ZMYM2: variants seen among roughly 807,000 people sequenced by gnomAD.
ZMYM2 encodes the protein zinc finger MYM-type containing 2, also known as zinc finger MYM-type protein 2.
Under a neutral mutation model 162.8 loss-of-function variants are expected in ZMYM2, and 56 were observed. The ratio of observed to expected loss-of-function variants is 0.34; its 90% CI spans 0.28 to 0.43. The LOEUF is 0.43. Ranked by LOEUF, ZMYM2 falls within the 20% of genes least tolerant of loss-of-function variation. The pLI, the probability that ZMYM2 is intolerant of heterozygous loss-of-function variation, is 1.00. For synonymous variants in ZMYM2, 510 were observed against 541.6 expected (o/e 0.94, Z 0.81); for missense variants, 1,275 against 1,621.8 (o/e 0.79, Z 3.67).
chr13:19,960,486 A>C (rs1284586072), intron 2 of ZMYM2, among the ~76,000 whole-genome samples: 1 of 152,222 alleles, frequency 6.6e-6, no homozygotes, highest in East Asian at 1.9e-4. Context: ...TGTCTGCTGG[A>C]AACACATATT....
intron 2 of ZMYM2, among the ~76,000 whole-genome samples, chr13:19,961,549 A>G (rs745485103): frequency 6.6e-6 from 1 of 152,208 alleles, no homozygotes; most frequent in Non-Finnish European, 1.5e-5. Flanking sequence ...TATTTTCACA[A>G]AAGATTTATC....
At chr13:19,867,143 G>A in the ZMYM2 span, among the ~76,000 whole-genome samples, 1 of 151,704 alleles carries the variant, frequency 6.6e-6, no homozygotes, top group Non-Finnish European at 1.5e-5. Flanking sequence ...ACCTGAGGTC[G>A]GGAGTTCGAG....
At chr13:20,040,619 T>G (rs1231478542) in intron 12 of ZMYM2, among the ~76,000 whole-genome samples, 1 of 152,134 alleles carries the variant, frequency 6.6e-6, no homozygotes, top group Non-Finnish European at 1.5e-5. Flanking sequence ...CAGCTCTAAT[T>G]TTGGTTATTT....
chr13:19,908,798 G>A, the ZMYM2 span, among the ~76,000 whole-genome samples: 1 of 152,174 alleles, frequency 6.6e-6, no homozygotes, highest in African/African-American at 2.4e-5. Context: ...GCATTAAATA[G>A]TTTGTGATAC....
At chr13:19,941,011 A>G in the ZMYM2 span, among the ~76,000 whole-genome samples, 10 of 152,136 alleles carry the variant, frequency 6.6e-5, no homozygotes, top group African/African-American at 2.2e-4. Context: ...ATGCTGTAGT[A>G]GTTAAGACAA....
chr13:19,949,933 G>GGA, the ZMYM2 span, among the ~76,000 whole-genome samples: 3 of 147,192 alleles, frequency 2.0e-5, no homozygotes, highest in South Asian at 4.2e-4. Context: ...GAGCGAGAGA[G>GGA]AAAAAAAGAA....
chr13:20,035,417 C>T (rs368424385), intron 11 of ZMYM2, among the ~76,000 whole-genome samples: 73 of 152,212 alleles, frequency 4.8e-4, no homozygotes, highest in African/African-American at 1.6e-3. Flanking sequence ...AACCATGTTT[C>T]GCTGTTATTT....
At chr13:19,967,111 C>T (rs950170642) in intron 2 of ZMYM2, among the ~76,000 whole-genome samples, 1 of 152,136 alleles carries the variant, frequency 6.6e-6, no homozygotes, top group African/African-American at 2.4e-5. Flanking sequence ...TTCATTCAGT[C>T]TTCCTCCTGG....
chr13:19,910,535 T>TC, the ZMYM2 span, among the ~76,000 whole-genome samples: 5 of 143,276 alleles, frequency 3.5e-5, no homozygotes, highest in South Asian at 2.3e-4. Context: ...TCTCTCTCTC[T>TC]TTTTTTTTTT....
chr13:20,002,078 CTCTT>C (rs1281708826), intron 3 of ZMYM2, among the ~76,000 whole-genome samples: 3 of 152,142 alleles, frequency 2.0e-5, no homozygotes, highest in South Asian at 2.1e-4. Context: ...CTGTGTAACA[CTCTT>C]TCTATGAGAT....
At chr13:19,982,335 T>C (rs904330988) in intron 2 of ZMYM2, among the ~76,000 whole-genome samples, 1 of 128,582 alleles carries the variant, frequency 7.8e-6, no homozygotes, top group African/African-American at 2.8e-5. Context: ...TCACTTAGAC[T>C]GGAGTGCAGT....
the ZMYM2 span, among the ~76,000 whole-genome samples, chr13:19,885,974 TATATATGTATATACAC>T: frequency 1.0e-5 from 1 of 96,216 alleles, no homozygotes; most frequent in Non-Finnish European, 2.5e-5. Context: ...TGTATACACA[TATATATGTATATACAC>T]ATATATATGT....
At chr13:19,990,597 T>G (rs1949525538) in intron 2 of ZMYM2, among the ~76,000 whole-genome samples, 1 of 152,216 alleles carries the variant, frequency 6.6e-6, no homozygotes, top group South Asian at 2.1e-4. Context: ...TAAAAAAAAG[T>G]GATAAATCAC....
chr13:20,082,644 A>T, intron 22 of ZMYM2, 137 bp from the exon 23 acceptor site: 1 of 757,210 alleles, frequency 1.3e-6, no homozygotes, highest in Non-Finnish European at 2.0e-6. Context: ...AGGTAATTCT[A>T]GAATTATTCT....
intron 2 of ZMYM2, among the ~76,000 whole-genome samples, chr13:19,971,680 G>A (rs909485573): frequency 6.6e-6 from 1 of 152,130 alleles, no homozygotes; most frequent in African/African-American, 2.4e-5. Flanking sequence ...TAGTAGAGAT[G>A]GGTAAAAGTG....
chr13:19,879,491 A>G, the ZMYM2 span, among the ~76,000 whole-genome samples: 4,922 of 152,250 alleles, frequency 0.032, 89 homozygotes, highest in Middle Eastern at 0.078. Context: ...TGGGCTCTCT[A>G]TTCTGTTCCA....
Position 20,085,843 on chromosome 13 carries a change from G to C in ZMYM2, c.3963G>C (p.Arg1321Ser). 6.2e-7 allele frequency: 1 copy of C among 1,610,166 alleles called. No individual in the cohort carries two copies. The highest frequency in any genetic ancestry group is 8.5e-7 in the Non-Finnish European group (1 of 1,177,858). The change falls in exon 25 of 25, where the codon AGG (arginine) becomes AGC (serine). Residue 1321 changes from arginine to serine, a missense_variant. Arg to Ser is a moderately radical substitution (Grantham distance 110). Coordinates refer to ENST00000610343, the MANE Select transcript of ZMYM2 (RefSeq NM_197968.4). ...LSKSPQNLNQ[R>S]MDVFYLQPEC... ...AAAGTCCACAGAATCTTAATCAGAG[G>C]ATGGATGTTTTTTATTTGCAACCAG...
chr13:19,986,919 A>G (rs914716340), intron 2 of ZMYM2, among the ~76,000 whole-genome samples: 1 of 151,954 alleles, frequency 6.6e-6, no homozygotes, highest in Non-Finnish European at 1.5e-5. Flanking sequence ...TCTGGCCAAC[A>G]TGGTGAAACC....
At chr13:19,992,325 G>A (rs1024472003) in intron 2 of ZMYM2, among the ~76,000 whole-genome samples, 1 of 152,192 alleles carries the variant, frequency 6.6e-6, no homozygotes, top group African/African-American at 2.4e-5. Flanking sequence ...GGCTGAGGCC[G>A]AGTTCAGGGG....
Sources: gnomAD v4.1 joint callset for allele counts (sites outside exome capture counted in the v4.1 genomes callset) on GRCh38, gnomAD v4.1.1 for gene constraint, MANE v1.5 for transcripts, NCBI Gene and HGNC (gene_info 2026-07-23, HGNC 2026-07-21) for gene names.